ADGRA3: variants seen among roughly 807,000 people sequenced by gnomAD.
ADGRA3 encodes G-protein coupled receptor 125.
ADGRA3 carries 56 observed loss-of-function variants against 119.8 expected under a neutral mutation model. The observed-to-expected ratio is 0.47, with a 90% confidence interval of 0.38 to 0.58. The LOEUF (loss-of-function observed/expected upper bound fraction) is 0.58. ADGRA3 is among the 20% of genes least tolerant of loss of function. The probability of loss-of-function intolerance (pLI) is 0.00; values close to 1 mark genes in which losing one functional copy is unlikely to be tolerated. For synonymous variants in ADGRA3, 607 were observed against 623.8 expected, an observed-to-expected ratio of 0.97 and a Z score of 0.40; for missense variants, 1,516 against 1,649.0, an observed-to-expected ratio of 0.92 and a Z score of 1.40.
Position 22,424,497 on chromosome 4 carries a change from T to A in ADGRA3, c.1444-145A>T, listed in dbSNP as rs1281709983. 16 of 795,680 alleles carry A rather than the reference T, an allele frequency of 2.0e-5. No homozygotes were observed. The South Asian group carries it at 2.9e-4, about 14-fold the overall frequency. 49.3% of individuals were successfully genotyped at this position (795,680 alleles called of 1,614,324 possible). A position where few individuals can be genotyped will look rare whatever the true frequency, so the allele number is the denominator to read the frequency against. Reference sequence around the variant, plus strand: ...CAACAGGCACTTTACTTGTTTCTCATGAAAACATCTTCAGATATGAACAGT... The same window carrying A: ...CAACAGGCACTTTACTTGTTTCTCAAGAAAACATCTTCAGATATGAACAGT... On this transcript the variant is annotated intron_variant, in intron 10 of 18. Coordinates refer to ENST00000334304, the MANE Select transcript of ADGRA3 (RefSeq NM_145290.4).
chr4:22,440,232 T>C (rs1716558568), intron 7 of ADGRA3, among the ~76,000 whole-genome samples: 1 of 152,210 alleles, frequency 6.6e-6, no homozygotes, highest in South Asian at 2.1e-4. Context: ...TCTGCAAATG[T>C]TTCCTGGATA....
In ADGRA3 at chr4:22,388,706, C is replaced by G. The variant is rs763188344; in HGVS notation, c.2965G>C (p.Glu989Gln). 7.4e-6 allele frequency: 12 copies of G among 1,614,056 alleles called. No homozygotes were observed. The highest frequency in any genetic ancestry group is 1.0e-5 in the Non-Finnish European group (12 of 1,179,990). Residue 989 changes from glutamate (E) to glutamine (Q), a missense_variant, in exon 19 of 19, where the codon GAG becomes CAG. Physicochemically the swap from Glu to Gln is conservative, Grantham distance 29. Coordinates refer to ENST00000334304, the MANE Select transcript of ADGRA3 (RefSeq NM_145290.4). Reference protein sequence around the residue: ...SLISTSALENEHTFHSQLLGA... With the variant: ...SLISTSALENQHTFHSQLLGA... The stretch of plus-strand genomic sequence containing the variant: ...AAGAGCTGAGAATGAAAAGTGTGCT[C>G]ATTTTCCAAGGCTGATGTAGAAATC...
chr4:22,474,094 A>T (rs1717955972), intron 1 of ADGRA3, among the ~76,000 whole-genome samples: 1 of 152,210 alleles, frequency 6.6e-6, no homozygotes, highest in African/African-American at 2.4e-5. Context: ...AAGAGAGAAA[A>T]GTCAATATGT....
rs1265863929 is a variant in ADGRA3, at chr4:22,392,759, T to C, written c.2482-69A>G. 13 of 1,425,234 alleles carry C rather than the reference T, an allele frequency of 9.1e-6. No homozygotes were observed. The East Asian group carries it at 2.8e-4, about 31-fold the overall frequency. 88.3% of individuals were successfully genotyped at this position (1,425,234 alleles called of 1,614,324 possible). A position where few individuals can be genotyped will look rare whatever the true frequency, so the allele number is the denominator to read the frequency against. ...CTACTAAGGCTTACCTCAAAATTGG[T>C]AAGTAACTCAGAAGTCTGATTTGAA... is the stretch of plus-strand genomic sequence containing the variant. On this transcript the variant is annotated intron_variant, in intron 16 of 18. Transcript: ENST00000334304.
chr4:22,510,733 T>C (rs753635831), intron 1 of ADGRA3, among the ~76,000 whole-genome samples: 6 of 152,154 alleles, frequency 3.9e-5, no homozygotes, highest in Non-Finnish European at 5.9e-5. Flanking sequence ...CTTTAGGCCA[T>C]GCTCAAGTCC....
intron 1 of ADGRA3, among the ~76,000 whole-genome samples, chr4:22,511,697 C>T (rs1338778308): frequency 6.6e-6 from 1 of 152,018 alleles, no homozygotes; most frequent in Non-Finnish European, 1.5e-5. Flanking sequence ...ATCCTCGACT[C>T]AGCCCCTACA....
intron 10 of ADGRA3, among the ~76,000 whole-genome samples, chr4:22,427,461 TA>T (rs544251760): frequency 0.023 from 3,265 of 144,854 alleles, 112 homozygotes; most frequent in African/African-American, 0.077. Context: ...TTAATAATTA[TA>T]AAAAAAAAAA....
intron 14 of ADGRA3, among the ~76,000 whole-genome samples, chr4:22,404,268 A>G (rs1714797359): frequency 6.6e-6 from 1 of 152,210 alleles, no homozygotes. Flanking sequence ...AAAGGAAGAG[A>G]ATAAGTGACA....
At chr4:22,410,170 T>G (rs1325417465) in intron 14 of ADGRA3, among the ~76,000 whole-genome samples, 2 of 152,198 alleles carry the variant, frequency 1.3e-5, no homozygotes. Context: ...GTTTCATATT[T>G]TTAGGTGAAC....
intron 14 of ADGRA3, among the ~76,000 whole-genome samples, chr4:22,408,810 T>C (rs1408683769): frequency 2.0e-5 from 3 of 152,166 alleles, no homozygotes. Context: ...TCATAAAACA[T>C]ATACATGAGT....
At chr4:22,430,050 T>TG (rs1716095763) in intron 10 of ADGRA3, among the ~76,000 whole-genome samples, 1 of 152,160 alleles carries the variant, frequency 6.6e-6, no homozygotes, top group African/African-American at 2.4e-5. Context: ...CCTGCACAAG[T>TG]GCTCTCTCTT....
chr4:22,436,605 C>A lies in ADGRA3; in HGVS notation c.1122G>T (p.Leu374=). Residue 374 remains leucine (L), a synonymous_variant, in exon 9 of 19, where the codon CTG becomes CTT. Coordinates refer to ENST00000334304, the MANE Select transcript of ADGRA3 (RefSeq NM_145290.4). Reference sequence around the variant, plus strand: ...TGCCATGGGTGTTCCGCGTACACTGCAGATATGCAGTAATGCCTGCCAATG... The same window carrying A: ...TGCCATGGGTGTTCCGCGTACACTGAAGATATGCAGTAATGCCTGCCAATG... ...PRTLAGITAY[L]QCTRNTHGSG... 6.2e-7 allele frequency: 1 copy of A among 1,614,054 alleles called. No homozygotes were observed. Among genetic ancestry groups the A allele is most frequent in the Non-Finnish European group, 8.5e-7 (1 of 1,179,976 alleles).
intron 14 of ADGRA3, among the ~76,000 whole-genome samples, chr4:22,405,100 A>C (rs1355641387): frequency 6.6e-6 from 1 of 152,188 alleles, no homozygotes; most frequent in African/African-American, 2.4e-5. Context: ...GAGAAGGGGT[A>C]GAAGAAAGGT....
At chr4:22,438,104 G>T in intron 8 of ADGRA3, 152 bp downstream of exon 8, 1 of 560,690 alleles carries the variant, frequency 1.8e-6, no homozygotes, top group Non-Finnish European at 3.2e-6. Flanking sequence ...ATCTCCATAT[G>T]TGATTCTGAA....
At chr4:22,424,838 G>A (rs965386503) in intron 10 of ADGRA3, among the ~76,000 whole-genome samples, 11 of 152,256 alleles carry the variant, frequency 7.2e-5, no homozygotes, top group South Asian at 4.1e-4. Flanking sequence ...TTGGGAGGCC[G>A]AGGTGGGTGG....
intron 2 of ADGRA3, among the ~76,000 whole-genome samples, chr4:22,463,528 C>T (rs1717551523): frequency 6.6e-6 from 1 of 152,144 alleles, no homozygotes; most frequent in Admixed American, 6.5e-5. Flanking sequence ...AGCGGGCATC[C>T]CTTCTCTACC....
At chr4:22,511,906 T>TTTTC in intron 1 of ADGRA3, among the ~76,000 whole-genome samples, 1 of 140,752 alleles carries the variant, frequency 7.1e-6, no homozygotes, top group Non-Finnish European at 1.5e-5. Context: ...TTTTTTTTTT[T>TTTTC]TTTTTTTTGA....
rs1713973108 is a variant in ADGRA3 at position 22,388,873 on chromosome 4, A to G, written c.2798T>C (p.Met933Thr). The change falls in exon 19 of 19, where the codon ATG (methionine) becomes ACG (threonine). Residue 933 changes from methionine (M) to threonine (T), a missense_variant. Met to Thr is a moderately conservative substitution (Grantham distance 81). Transcript: ENST00000334304. ...PASFITFVNC[M>T]YFLSIFIQLK... ...CTGAATAAATATGCTCAGAAAGTAC[A>G]TGCAGTTTACAAAAGTGATGAAGCT... 1 of 1,613,992 alleles carries G rather than the reference A, an allele frequency of 6.2e-7. No homozygotes were observed. Among genetic ancestry groups the G allele is most frequent in the Non-Finnish European group, 8.5e-7 (1 of 1,180,000 alleles).
rs1233260537 is a variant in ADGRA3 at position 22,410,974 on chromosome 4, T to C, written c.2232+2208A>G. Among the ~76,000 whole-genome samples, 3 of 152,208 alleles carry C rather than the reference T, an allele frequency of 2.0e-5. No individual in the cohort carries two copies. The East Asian group carries it at 5.8e-4, about 29-fold the overall frequency. On this transcript the variant is annotated intron_variant, in intron 14 of 18. Coordinates refer to ENST00000334304, the MANE Select transcript of ADGRA3 (RefSeq NM_145290.4). The stretch of plus-strand genomic sequence containing the variant: ...ATTAAAAGTCTGAAAGATAAAAGAA[T>C]AGCTTATTCCTTCCAGAAAAGGATT...
Sources: allele counts gnomAD v4.1 joint callset (sites outside exome capture counted in the v4.1 genomes callset), GRCh38; gene constraint gnomAD v4.1.1; transcripts MANE v1.5; gene names NCBI Gene and HGNC (gene_info 2026-07-23, HGNC 2026-07-21).